VAPB: variants seen among roughly 807,000 people sequenced by gnomAD.
VAPB encodes the protein vesicle-associated membrane protein-associated protein B/C.
A neutral mutation model predicts 25.6 loss-of-function variants in VAPB; 7 were observed. The ratio of observed to expected loss-of-function variants is 0.27; its 90% confidence interval spans 0.16 to 0.51. The LOEUF (loss-of-function observed/expected upper bound fraction) is 0.51. Among genes scored for constraint, VAPB ranks in the 20% least tolerant of loss-of-function variants. VAPB has a pLI of 0.97. For missense variants in VAPB, 266 were observed against 301.3 expected, an observed-to-expected ratio of 0.88 and a Z score of 0.87; for synonymous variants, 112 against 109.2, an observed-to-expected ratio of 1.03 and a Z score of -0.16.
At chr20:58,411,658 GTTCAT>G (rs1358612111) in intron 1 of VAPB, among the ~76,000 whole-genome samples, 1 of 151,932 alleles carries the variant, frequency 6.6e-6, no homozygotes, top group African/African-American at 2.4e-5. Flanking sequence ...AAATTAGGTT[GTTCAT>G]TTTATTTTAT....
chr20:58,415,217 C>T (rs1988510739), intron 1 of VAPB, among the ~76,000 whole-genome samples: 1 of 152,240 alleles, frequency 6.6e-6, no homozygotes, highest in Non-Finnish European at 1.5e-5. Flanking sequence ...ACAGTGGGTC[C>T]TGGGGGAAGG....
chr20:58,438,796 T>C (rs1989099884), intron 3 of VAPB, 149 bp from the exon 4 acceptor site: 1 of 669,888 alleles, frequency 1.5e-6, no homozygotes, highest in South Asian at 1.8e-5. Flanking sequence ...GTTACAAATA[T>C]TGAAATCTCA....
chr20:58,390,172 T>C (rs1354861203), intron 1 of VAPB: 1 of 152,358 alleles, frequency 6.6e-6, no homozygotes, highest in Admixed American at 6.5e-5. Flanking sequence ...GGACTTCTGA[T>C]GGGATTGGGC....
At chr20:58,430,734 C>T (rs1366058551) in intron 2 of VAPB, among the ~76,000 whole-genome samples, 1 of 152,028 alleles carries the variant, frequency 6.6e-6, no homozygotes, top group African/African-American at 2.4e-5. Flanking sequence ...CACCACCACA[C>T]CCAGATAATT....
chr20:58,423,448 A>AAAAAAAAAAAAAAAAAC (rs1988718143), intron 2 of VAPB, among the ~76,000 whole-genome samples: 2 of 140,978 alleles, frequency 1.4e-5, no homozygotes, highest in African/African-American at 2.7e-5. Context: ...AAAAAAAAAA[A>AAAAAAAAAAAAAAAAAC]AGAAAAGAAA....
intron 2 of VAPB, among the ~76,000 whole-genome samples, chr20:58,431,803 C>T (rs1280141937): frequency 6.6e-6 from 1 of 152,090 alleles, no homozygotes; most frequent in Non-Finnish European, 1.5e-5. Context: ...AAGTGATCCT[C>T]CCGCCTTGGC....
Position 58,449,930 on chromosome 20 carries a change from T to C in VAPB, c.*5695T>C, listed in dbSNP as rs958516260. 2.2e-6 allele frequency: 1 copy of C among 454,124 alleles called. No homozygotes were observed. The highest frequency in any genetic ancestry group is 6.9e-5 in the East Asian group (1 of 14,402). 28.1% of individuals were successfully genotyped at this position (454,124 alleles called of 1,614,324 possible). ...CCATGTCTGACTGAAATAAAACAGG[T>C]TCCCTTTTTTTTTCCCTTTGGAAAA... On this transcript the variant is annotated 3_prime_UTR_variant, in exon 6 of 6. Transcript: ENST00000475243.
intron 2 of VAPB, among the ~76,000 whole-genome samples, chr20:58,423,210 G>C (rs541892972): frequency 6.6e-6 from 1 of 151,576 alleles, no homozygotes; most frequent in Non-Finnish European, 1.5e-5. Flanking sequence ...TTGGGAATTC[G>C]AGACCATCCT....
At position 58,445,537 on chromosome 20, in the gene VAPB, GC is replaced by G. The variant is rs1401876523; in HGVS notation, c.*1306del. On this transcript the variant is annotated 3_prime_UTR_variant, in exon 6 of 6. Coordinates refer to ENST00000475243, the MANE Select transcript of VAPB (RefSeq NM_004738.5). ...TCTTGAAAAGAAAAATTATAATAAA[GC>G]CCCAAAATTAAGAATTCTTTTGTCA... 2 of 454,154 alleles carry G rather than the reference GC, an allele frequency of 4.4e-6. No homozygotes were observed. Among genetic ancestry groups the G allele is most frequent in the Non-Finnish European group, 8.8e-6 (2 of 226,738 alleles). The allele number at this position is 454,154 out of a possible 1,614,324, so 28.1% of individuals were successfully genotyped here. A position where few individuals can be genotyped will look rare whatever the true frequency, so the allele number is the denominator to read the frequency against.
At chr20:58,426,861 G>A (rs1028966421) in intron 2 of VAPB, among the ~76,000 whole-genome samples, 2 of 152,142 alleles carry the variant, frequency 1.3e-5, no homozygotes, top group Non-Finnish European at 2.9e-5. Context: ...GAGAGATTTC[G>A]AAGATAAGAT....
At chr20:58,396,656 A>G (rs1405789198) in intron 1 of VAPB, among the ~76,000 whole-genome samples, 1 of 152,170 alleles carries the variant, frequency 6.6e-6, no homozygotes, top group Non-Finnish European at 1.5e-5. Context: ...TGTGCCCCCC[A>G]ACACCCCGTT....
intron 1 of VAPB, among the ~76,000 whole-genome samples, chr20:58,406,606 G>C (rs774171721): frequency 3.9e-5 from 6 of 152,202 alleles, no homozygotes; most frequent in Non-Finnish European, 8.8e-5. Context: ...CCCCTGTTCT[G>C]TATCTGGTGT....
intron 1 of VAPB, among the ~76,000 whole-genome samples, chr20:58,411,668 T>C (rs1988382585): frequency 6.6e-6 from 1 of 152,178 alleles, no homozygotes; most frequent in Non-Finnish European, 1.5e-5. Flanking sequence ...GTTCATTTTA[T>C]TTTATTTTAT....
chr20:58,412,422 A>T (rs1313160168), intron 1 of VAPB, among the ~76,000 whole-genome samples: 2 of 152,098 alleles, frequency 1.3e-5, no homozygotes, highest in Admixed American at 6.5e-5. Context: ...TCTATTAAAA[A>T]TACAAAAATT....
At chr20:58,408,628 TA>T (rs59367989) in intron 1 of VAPB, among the ~76,000 whole-genome samples, 9 of 151,134 alleles carry the variant, frequency 6.0e-5, no homozygotes, top group Non-Finnish European at 1.3e-4. Context: ...GGGGCAACTT[TA>T]AAAAAAAACA....
At chr20:58,427,663 G>A (rs77207138) in intron 2 of VAPB, among the ~76,000 whole-genome samples, 3 of 139,486 alleles carry the variant, frequency 2.2e-5, no homozygotes, top group South Asian at 2.3e-4. Context: ...GATGCAGGCA[G>A]AAGTGATCTG....
At chr20:58,432,490 T>C (rs1988949754) in intron 2 of VAPB, 1 of 152,164 alleles carries the variant, frequency 6.6e-6, no homozygotes. Context: ...GTTCTCTTCT[T>C]TCCTAAACTG....
At chr20:58,416,734 G>A (rs771302152) in intron 1 of VAPB, among the ~76,000 whole-genome samples, 1 of 150,364 alleles carries the variant, frequency 6.7e-6, no homozygotes, top group African/African-American at 2.4e-5. Flanking sequence ...TTCTTAATTT[G>A]TATTAAGGTA....
intron 1 of VAPB, among the ~76,000 whole-genome samples, chr20:58,407,410 T>C (rs1242721302): frequency 6.6e-6 from 1 of 152,208 alleles, no homozygotes; most frequent in Non-Finnish European, 1.5e-5. Context: ...TCTGAACAAG[T>C]AGAAAATTAT....
Sources: allele counts gnomAD v4.1 joint callset (sites outside exome capture counted in the v4.1 genomes callset), GRCh38; gene constraint gnomAD v4.1.1; transcripts MANE v1.5; gene names NCBI Gene and HGNC (gene_info 2026-07-23, HGNC 2026-07-21).